Variants in UNC5D observed in about 807,000 individuals in gnomAD.
UNC5D encodes the protein unc-5 netrin receptor D, also known as netrin receptor UNC5D.
Under a neutral mutation model 105.4 loss-of-function variants are expected in UNC5D, and 39 were observed. That is an observed-to-expected ratio of 0.37 (90% CI 0.29 to 0.48). The LOEUF is 0.48. UNC5D is among the 20% of genes least tolerant of loss of function. The pLI is 0.98. For missense variants in UNC5D, 991 were observed against 1,202.4 expected, an observed-to-expected ratio of 0.82 and a Z score of 2.60; for synonymous variants, 452 against 450.4, an observed-to-expected ratio of 1.00 and a Z score of -0.04.
chr8:35,482,405 G>A (rs950862592), intron 1 of UNC5D, among the ~76,000 whole-genome samples: 10 of 152,124 alleles, frequency 6.6e-5, no homozygotes, highest in Admixed American at 2.6e-4. Context: ...CGAAGCCTAC[G>A]TGCTGACATT....
At chr8:35,466,962 C>T (rs1044044208) in intron 1 of UNC5D, among the ~76,000 whole-genome samples, 36 of 152,244 alleles carry the variant, frequency 2.4e-4, no homozygotes, top group Admixed American at 1.7e-3. Context: ...GTACCACTTG[C>T]TGCAACTTAA....
intron 2 of UNC5D, among the ~76,000 whole-genome samples, chr8:35,562,086 A>G (rs982990471): frequency 3.9e-5 from 6 of 152,032 alleles, no homozygotes; most frequent in African/African-American, 1.5e-4. Flanking sequence ...CATGAGATCC[A>G]CTTTTTCAGT....
intron 1 of UNC5D, among the ~76,000 whole-genome samples, chr8:35,459,144 G>A (rs1374917597): frequency 5.3e-5 from 8 of 152,038 alleles, no homozygotes; most frequent in African/African-American, 1.9e-4. Context: ...TGGTATGAGG[G>A]GAAGAAGGGG....
intron 1 of UNC5D, among the ~76,000 whole-genome samples, chr8:35,368,363 A>C (rs1232836874): frequency 1.3e-5 from 2 of 151,718 alleles, no homozygotes; most frequent in Non-Finnish European, 2.9e-5. Context: ...CCACCCACCC[A>C]CACACACACA....
chr8:35,716,434 G>C (rs910773613), intron 8 of UNC5D, among the ~76,000 whole-genome samples: 2 of 152,136 alleles, frequency 1.3e-5, no homozygotes, highest in South Asian at 2.1e-4. Flanking sequence ...ACTGGATAGA[G>C]AGTGACCAAA....
At chr8:35,259,476 G>T (rs1346569841) in intron 1 of UNC5D, among the ~76,000 whole-genome samples, 1 of 152,110 alleles carries the variant, frequency 6.6e-6, no homozygotes, top group Non-Finnish European at 1.5e-5. Flanking sequence ...CTGCTGCCTC[G>T]TGTTTTATTT....
At chr8:35,491,377 T>G (rs139131915) in intron 1 of UNC5D, among the ~76,000 whole-genome samples, 2 of 152,306 alleles carry the variant, frequency 1.3e-5, no homozygotes, top group East Asian at 3.9e-4. Flanking sequence ...AGACTTGGCT[T>G]TAAACAATAG....
chr8:35,763,446 C>CTTTT (rs201449850), intron 14 of UNC5D, among the ~76,000 whole-genome samples: 1 of 124,726 alleles, frequency 8.0e-6, no homozygotes, highest in Admixed American at 8.1e-5. Flanking sequence ...TGGTCAGTGC[C>CTTTT]TTTTTTTTTT....
intron 1 of UNC5D, among the ~76,000 whole-genome samples, chr8:35,236,294 G>C (rs1044458209): frequency 6.6e-6 from 1 of 152,196 alleles, no homozygotes; most frequent in Non-Finnish European, 1.5e-5. Context: ...TGGGGAGAGG[G>C]GCCAGGTGAT....
Position 35,360,644 on chromosome 8 carries a change from G to A in UNC5D, c.103+124757G>A, listed in dbSNP as rs775033455. The stretch of plus-strand genomic sequence containing the variant: ...GTGTCCACATTTCAACTACAGCTGT[G>A]TTGTAAGTCAAGTATGTGCATCTTT... On this transcript the variant is annotated intron_variant, in intron 1 of 16. Coordinates refer to ENST00000404895, the MANE Select transcript of UNC5D (RefSeq NM_080872.4). 7.2e-5 allele frequency among the ~76,000 whole-genome samples: 11 copies of A among 152,144 alleles called. 1 individual carries two copies. The highest frequency in any genetic ancestry group is 1.3e-4 in the Non-Finnish European group (9 of 68,010).
chr8:35,273,744 C>T (rs1257673981), intron 1 of UNC5D, among the ~76,000 whole-genome samples: 4 of 152,162 alleles, frequency 2.6e-5, no homozygotes, highest in Non-Finnish European at 4.4e-5. Flanking sequence ...GCCACTTGAC[C>T]GATGGGTGTT....
chr8:35,410,675 T>C (rs1374811986), intron 1 of UNC5D, among the ~76,000 whole-genome samples: 1 of 152,020 alleles, frequency 6.6e-6, no homozygotes, highest in Non-Finnish European at 1.5e-5. Context: ...GCTACTCAGG[T>C]TGAACTGAGC....
intron 1 of UNC5D, among the ~76,000 whole-genome samples, chr8:35,508,853 G>A (rs1388129110): frequency 2.6e-5 from 4 of 152,310 alleles, no homozygotes; most frequent in Non-Finnish European, 4.4e-5. Flanking sequence ...ATGAACTGGA[G>A]GTATTTGGCA....
Position 35,415,676 on chromosome 8 carries a change from G to A in UNC5D, c.104-133616G>A, listed in dbSNP as rs56031800. The stretch of plus-strand genomic sequence containing the variant: ...AGCTACTTTGAATTTCTAGTCACCA[G>A]CTGTTCCCACTACTTTCCTGACTTT... On this transcript the variant is annotated intron_variant, in intron 1 of 16. Transcript: ENST00000404895. Among the ~76,000 whole-genome samples, 3 of 151,952 alleles carry A rather than the reference G, an allele frequency of 2.0e-5. No individual in the cohort carries two copies. In the South Asian group the frequency reaches 6.2e-4, roughly 31 times the overall value.
intron 1 of UNC5D, among the ~76,000 whole-genome samples, chr8:35,416,059 C>A (rs1256517970): frequency 6.6e-6 from 1 of 152,058 alleles, no homozygotes. Context: ...TCTTGGAACA[C>A]AAGGGATAAC....
At chr8:35,787,546 C>G (rs1802803000) in intron 16 of UNC5D, among the ~76,000 whole-genome samples, 1 of 152,202 alleles carries the variant, frequency 6.6e-6, no homozygotes, top group Admixed American at 6.5e-5. Context: ...GATATTGCAA[C>G]TTTCCCTACA....
intron 3 of UNC5D, among the ~76,000 whole-genome samples, chr8:35,593,030 C>A (rs1433151927): frequency 6.7e-6 from 1 of 149,304 alleles, no homozygotes. Context: ...CTAGGTCCCA[C>A]TGTCAGTAGT....
chr8:35,339,273 A>G (rs1811278227), intron 1 of UNC5D, among the ~76,000 whole-genome samples: 1 of 152,218 alleles, frequency 6.6e-6, no homozygotes, highest in Non-Finnish European at 1.5e-5. Context: ...TTTTCCCCAT[A>G]GCAACCAATC....
chr8:35,574,222 C>T (rs1586164349), intron 3 of UNC5D, among the ~76,000 whole-genome samples: 1 of 105,080 alleles, frequency 9.5e-6, no homozygotes, highest in Non-Finnish European at 2.2e-5. Context: ...TAACCCTTGG[C>T]CGGGCAAACT....
Sources: allele counts gnomAD v4.1 joint callset (sites outside exome capture counted in the v4.1 genomes callset), GRCh38; gene constraint gnomAD v4.1.1; transcripts MANE v1.5; gene names NCBI Gene and HGNC (gene_info 2026-07-23, HGNC 2026-07-21).